The following SELENON variants were observed in gnomAD, a reference collection of about 807,000 sequenced individuals.
SELENON encodes the protein selenoprotein N, 1.
Under a neutral mutation model 59.5 loss-of-function variants are expected in SELENON, and 44 were observed. That is an observed-to-expected ratio of 0.74 (90% CI 0.58 to 0.95). The LOEUF (loss-of-function observed/expected upper bound fraction) is 0.95, where lower values mean the gene tolerates loss of function less well. Ranked by LOEUF, SELENON falls within the 40% of genes least tolerant of loss-of-function variation. The pLI is 0.00. For synonymous variants in SELENON, 320 were observed against 305.6 expected, an observed-to-expected ratio of 1.05 and a Z score of -0.49; for missense variants, 674 against 721.4, an observed-to-expected ratio of 0.93 and a Z score of 0.75.
rs953061200 is a variant in SELENON at position 25,815,989 on chromosome 1, C to T, written c.*271C>T. 2.0e-6 allele frequency: 1 copy of T among 490,648 alleles called. No individual in the cohort carries two copies. The highest frequency in any genetic ancestry group is 3.7e-6 in the Non-Finnish European group (1 of 267,472). The allele number at this position is 490,648 out of a possible 1,614,324, so 30.4% of individuals were successfully genotyped here. On this transcript the variant is annotated 3_prime_UTR_variant, in exon 13 of 13. Coordinates refer to ENST00000361547, the MANE Select transcript of SELENON (RefSeq NM_020451.3). ...TGGCTCTGGAAGCTGCTTGGCCCCC[C>T]CAGATCAGGGCCTGGGTGAACTCCC... is the stretch of plus-strand genomic sequence containing the variant.
chr1:25,813,726 T>C, intron 10 of SELENON, 155 bp from the exon 10 acceptor site: 1 of 691,202 alleles, frequency 1.4e-6, no homozygotes. Flanking sequence ...TAATTCCAAC[T>C]ATCATTTATT....
chr1:25,813,130 AG>A (rs1267537917), intron 10 of SELENON, among the ~76,000 whole-genome samples: 1 of 152,198 alleles, frequency 6.6e-6, no homozygotes, highest in Non-Finnish European at 1.5e-5. Context: ...TGGAGGTGAA[AG>A]TGCCGCATAC....
chr1:25,816,756 T>C lies in SELENON; in HGVS notation c.*1038T>C, dbSNP rs2048014841. 6.6e-6 allele frequency: 1 copy of C among 152,614 alleles called. No homozygotes were observed. Among genetic ancestry groups the C allele is most frequent in the Non-Finnish European group, 1.5e-5 (1 of 68,040 alleles). The allele number at this position is 152,614 out of a possible 1,614,324, so 9.5% of individuals were successfully genotyped here. A position where few individuals can be genotyped will look rare whatever the true frequency, so the allele number is the denominator to read the frequency against. The stretch of plus-strand genomic sequence containing the variant: ...TTTACACAAACTTTCTCATGGTTTG[T>C]AGGTATTTTTTTATAACCCCAGTGC... On this transcript the variant is annotated 3_prime_UTR_variant, in exon 13 of 13. Transcript: ENST00000361547.
intron 7 of SELENON, among the ~76,000 whole-genome samples, chr1:25,810,823 C>T (rs369672942): frequency 2.0e-5 from 3 of 152,192 alleles, no homozygotes; most frequent in African/African-American, 4.8e-5. Context: ...CTGCCTCCAT[C>T]GCAGGGTTGT....
chr1:25,805,060 A>G, intron 3 of SELENON, 82 bp from the exon 3 acceptor site: 2 of 1,592,152 alleles, frequency 1.3e-6, no homozygotes, highest in South Asian at 2.2e-5. Flanking sequence ...GGCTCCGTTA[A>G]TCACCAGCTA....
intron 3 of SELENON, among the ~76,000 whole-genome samples, chr1:25,803,115 C>A (rs933103644): frequency 2.6e-5 from 4 of 152,160 alleles, no homozygotes; most frequent in African/African-American, 9.7e-5. Context: ...GTCATGAAAG[C>A]AGATGGGCAG....
intron 6 of SELENON, among the ~76,000 whole-genome samples, 158 bp from the exon 6 acceptor site, chr1:25,809,525 A>T (rs2047939784): frequency 2.0e-5 from 3 of 152,170 alleles, no homozygotes; most frequent in Admixed American, 2.0e-4. Context: ...CGGGCCTCGA[A>T]GGATGAGCAG....
chr1:25,802,087 C>A lies in SELENON; in HGVS notation c.373C>A (p.Leu125Ile). 3.3e-6 allele frequency: 1 copy of A among 302,686 alleles called. No individual in the cohort carries two copies. Among genetic ancestry groups the A allele is most frequent in the Admixed American group, 3.4e-5 (1 of 29,480 alleles). 18.8% of individuals were successfully genotyped at this position (302,686 alleles called of 1,614,324 possible). A position where few individuals can be genotyped will look rare whatever the true frequency, so the allele number is the denominator to read the frequency against. The change falls in exon 3 of 13, where the codon CTC (leucine) becomes ATC (isoleucine). Residue 125 changes from leucine (L) to isoleucine (I), a missense_variant. Coordinates refer to ENST00000361547, the MANE Select transcript of SELENON (RefSeq NM_020451.3). The stretch of plus-strand genomic sequence containing the variant: ...CTCACTGCAGCCTCAACTTCCCTGG[C>A]TCAATTGATCCTCCTGCCTCAGCCT...
intron 11 of SELENON, 28 bp from the exon 11 acceptor site, chr1:25,814,049 C>T: frequency 6.2e-7 from 1 of 1,610,608 alleles, no homozygotes; most frequent in South Asian, 1.1e-5. Context: ...GGGGCCGCGG[C>T]ATCAGGAGTG....
intron 7 of SELENON, among the ~76,000 whole-genome samples, chr1:25,810,522 C>CA (rs2047948981): frequency 6.6e-6 from 1 of 152,236 alleles, no homozygotes; most frequent in African/African-American, 2.4e-5. Context: ...AGGAGGTCTG[C>CA]AGTTAAGTCT....
chr1:25,811,882 G>A lies in SELENON; in HGVS notation c.1281+3G>A, dbSNP rs1156899597. On this transcript the variant is annotated splice_donor_region_variant and intron_variant, in intron 9 of 12. Coordinates refer to ENST00000361547, the MANE Select transcript of SELENON (RefSeq NM_020451.3). ...TGGCCATGTACCCCTTCAAGAAGGT[G>A]AGGCTGGGCAGGGGTGAAGGCCAGG... 2 of 1,558,488 alleles carry A rather than the reference G, an allele frequency of 1.3e-6. No homozygotes were observed. The highest frequency in any genetic ancestry group is 4.3e-4 in the Middle Eastern group (2 of 4,700).
chr1:25,800,571 C>T (rs1314244386), intron 1 of SELENON, among the ~76,000 whole-genome samples, 158 bp downstream of exon 1: 3 of 19,942 alleles, frequency 1.5e-4, no homozygotes, highest in African/African-American at 6.3e-4. Flanking sequence ...ACACGGGAGG[C>T]GGGTGGGGGG....
rs1237828061 is a variant in SELENON, at chr1:25,816,704, CTCTTTT to C, written c.*988_*993del. 3 of 152,708 alleles carry C rather than the reference CTCTTTT, an allele frequency of 2.0e-5. No individual in the cohort carries two copies. Among genetic ancestry groups the C allele is most frequent in the Admixed American group, 6.5e-5 (1 of 15,290 alleles). 9.5% of individuals were successfully genotyped at this position (152,708 alleles called of 1,614,324 possible). A position where few individuals can be genotyped will look rare whatever the true frequency, so the allele number is the denominator to read the frequency against. ...CTGAGCCACTGACCACGGCCAGTCTCTCTTTTTATATGTGCAGAAAAGTGTTTTTAC... is the reference window on the plus strand; with the variant it reads ...CTGAGCCACTGACCACGGCCAGTCTCTATATGTGCAGAAAAGTGTTTTTAC... On this transcript the variant is annotated 3_prime_UTR_variant, in exon 13 of 13. Transcript: ENST00000361547.
chr1:25,813,159 A>G (rs1163468725), intron 10 of SELENON, among the ~76,000 whole-genome samples: 1 of 152,182 alleles, frequency 6.6e-6, no homozygotes, highest in African/African-American at 2.4e-5. Context: ...AGTGTTATAT[A>G]CGTGTAAGAG....
intron 8 of SELENON, 52 bp from the exon 8 acceptor site, chr1:25,811,639 A>T: frequency 6.2e-7 from 1 of 1,606,462 alleles, no homozygotes. Flanking sequence ...GGAGCCCCTG[A>T]GGATTCTTGC....
At position 25,814,203 on chromosome 1, in the gene SELENON, C is replaced by G. The variant is rs1244509664; in HGVS notation, c.1602+25C>G. Reference sequence around the variant, plus strand: ...GGTAGGCACCCCCACTCAGACCCCACAGGGCCCAGGCACCTCGGGGCCCCG... The same window carrying G: ...GGTAGGCACCCCCACTCAGACCCCAGAGGGCCCAGGCACCTCGGGGCCCCG... On this transcript the variant is annotated intron_variant, in intron 12 of 12. Transcript: ENST00000361547. 3 of 1,600,264 alleles carry G rather than the reference C, an allele frequency of 1.9e-6. No homozygotes were observed. The Admixed American group carries it at 5.0e-5, about 27-fold the overall frequency.
intron 7 of SELENON, 53 bp downstream of exon 6, chr1:25,809,873 T>C (rs1490755857): frequency 1.2e-6 from 2 of 1,603,666 alleles, no homozygotes; most frequent in East Asian, 4.5e-5. Flanking sequence ...CTTGTCCTGC[T>C]CCCCAGCTCC....
At position 25,800,356 on chromosome 1, in the gene SELENON, T is replaced by TGCC. The variant is rs2047850213; in HGVS notation, c.134_136dup (p.Ala45dup). 1 of 1,056,246 alleles carries TGCC rather than the reference T, an allele frequency of 9.5e-7. No homozygotes were observed. Among genetic ancestry groups the TGCC allele is most frequent in the Non-Finnish European group, 1.1e-6 (1 of 877,276 alleles). The allele number at this position is 1,056,246 out of a possible 1,614,324, so 65.4% of individuals were successfully genotyped here. ...TCGGAGCCCTGCTGGCCGCCGCCGC[T>TGCC]GCCGCCGCCGTCCGGGTCTGCGCCC... is the stretch of plus-strand genomic sequence containing the variant. On this transcript the variant is annotated inframe_insertion, in exon 1 of 13. Transcript: ENST00000361547.
At chr1:25,813,362 G>A (rs77367038) in intron 10 of SELENON, among the ~76,000 whole-genome samples, 2,592 of 152,312 alleles carry the variant, frequency 0.017, 77 homozygotes, top group African/African-American at 0.06. Context: ...GAAGGCAGAA[G>A]GGGTCCCTGC....
Sources: gnomAD v4.1 joint callset for allele counts (sites outside exome capture counted in the v4.1 genomes callset) on GRCh38, gnomAD v4.1.1 for gene constraint, MANE v1.5 for transcripts, NCBI Gene and HGNC (gene_info 2026-07-23, HGNC 2026-07-21) for gene names.